The following LINC00237 variants were observed in gnomAD, a reference collection of about 807,000 sequenced individuals.
LINC00237 encodes the protein long intergenic non-protein coding RNA 237.
At chr20:21,086,704 T>TAC (rs1245812564) in intron 3 of LINC00237, among the ~76,000 whole-genome samples, 1 of 121,648 alleles carries the variant, frequency 8.2e-6, no homozygotes, top group African/African-American at 3.0e-5. Context: ...TGTAGTATAC[T>TAC]ATATATACAT....
At chr20:21,086,883 T>C (rs2030717263) in intron 3 of LINC00237, among the ~76,000 whole-genome samples, 1 of 134,686 alleles carries the variant, frequency 7.4e-6, no homozygotes, top group Non-Finnish European at 1.6e-5. Flanking sequence ...CACTATATAG[T>C]ATATATGTAC....
At chr20:21,106,114 G>T (rs1459019045) in intron 1 of LINC00237, among the ~76,000 whole-genome samples, 7 of 152,168 alleles carry the variant, frequency 4.6e-5, no homozygotes, top group African/African-American at 1.7e-4. Flanking sequence ...CCATTTTCCA[G>T]CCTTCCACGC....
rs910361854 is a variant in LINC00237 at position 21,101,139 on chromosome 20, G to C, written n.88+5132C>G. On this transcript the variant is annotated intron_variant and non_coding_transcript_variant, in intron 1 of 3. Coordinates refer to ENST00000691244, the Ensembl canonical transcript of LINC00237. This position sits in a 1 kb window ranked among gnomAD's most constrained non-coding sequence, Gnocchi z 4.3. ...TCAACAGCTAAAGAGCAATTTGATGGGGCTGGGATGGGGAAATTACTTGAT... is the reference window on the plus strand; with the variant it reads ...TCAACAGCTAAAGAGCAATTTGATGCGGCTGGGATGGGGAAATTACTTGAT... Among the ~76,000 whole-genome samples the C allele has an allele frequency of 6.6e-6, 1 of 152,306 alleles. No homozygotes were observed. The highest frequency in any genetic ancestry group is 1.5e-5 in the Non-Finnish European group (1 of 68,028).
chr20:21,088,758 A>G (rs6047241), intron 2 of LINC00237, among the ~76,000 whole-genome samples: 29,701 of 152,050 alleles, frequency 0.2, 3,652 homozygotes, highest in African/African-American at 0.34. Context: ...AACAGTTTCT[A>G]TCTGTTTCCC....
Position 21,103,776 on chromosome 20 carries a change from G to A in LINC00237, n.88+2495C>T, listed in dbSNP as rs574403385. Reference sequence around the variant, plus strand: ...AAAAGGTAGCACCGCTGGCGTCCTGGCACGTCGAGCGAACAATGCCACCCC... The same window carrying A: ...AAAAGGTAGCACCGCTGGCGTCCTGACACGTCGAGCGAACAATGCCACCCC... On this transcript the variant is annotated intron_variant and non_coding_transcript_variant, in intron 1 of 3. Transcript: ENST00000691244. Among the ~76,000 whole-genome samples the A allele has an allele frequency of 2.0e-5, 3 of 152,292 alleles. No homozygotes were observed. The East Asian group carries it at 5.8e-4, about 29-fold the overall frequency.
Position 21,089,116 on chromosome 20 carries a change from T to G in LINC00237, n.473-1086A>C, listed in dbSNP as rs1281385445. Among the ~76,000 whole-genome samples the G allele has an allele frequency of 2.6e-5, 4 of 151,474 alleles. No homozygotes were observed. In the East Asian group the frequency reaches 5.8e-4, roughly 22 times the overall value. On this transcript the variant is annotated intron_variant and non_coding_transcript_variant, in intron 2 of 3. Coordinates refer to ENST00000691244, the Ensembl canonical transcript of LINC00237. The stretch of plus-strand genomic sequence containing the variant: ...TGTATGTGTGTGCATGTGTGTAAGA[T>G]TTAACCTTTTTCTCATTGAGTTTCA...
chr20:21,094,588 A>G (rs1568885461), intron 1 of LINC00237, among the ~76,000 whole-genome samples: 1 of 152,170 alleles, frequency 6.6e-6, no homozygotes, highest in Admixed American at 6.5e-5. Context: ...GTGGGTAAGC[A>G]TGATAGTATC....
intron 1 of LINC00237, among the ~76,000 whole-genome samples, chr20:21,096,388 A>C (rs771702878): frequency 1.3e-5 from 2 of 152,180 alleles, no homozygotes; most frequent in Non-Finnish European, 2.9e-5. Flanking sequence ...AGGGAGGTGC[A>C]AGTATGAGAT....
intron 1 of LINC00237, among the ~76,000 whole-genome samples, chr20:21,096,100 C>T (rs1057178534): frequency 8.5e-5 from 13 of 152,180 alleles, no homozygotes; most frequent in Non-Finnish European, 1.6e-4. Context: ...TAATACATTG[C>T]TTGCTTTTGG....
At chr20:21,097,489 TAGAG>T (rs1305342320) in intron 1 of LINC00237, among the ~76,000 whole-genome samples, 2 of 152,188 alleles carry the variant, frequency 1.3e-5, no homozygotes, top group Admixed American at 6.5e-5. Flanking sequence ...TTATGCTCCA[TAGAG>T]ATTGTACTAA....
At chr20:21,088,410 G>T (rs1197279929) in intron 2 of LINC00237, among the ~76,000 whole-genome samples, 1 of 152,064 alleles carries the variant, frequency 6.6e-6, no homozygotes, top group Admixed American at 6.6e-5. Context: ...TCTCATCCAG[G>T]TAACACTCTC....
intron 1 of LINC00237, among the ~76,000 whole-genome samples, chr20:21,097,476 C>A (rs899937550): frequency 6.6e-6 from 1 of 151,898 alleles, no homozygotes; most frequent in Non-Finnish European, 1.5e-5. Flanking sequence ...AAAAAAAAAT[C>A]CTTTATGCTC....
At chr20:21,093,407 C>T (rs940747283) in intron 2 of LINC00237, 2 of 152,200 alleles carry the variant, frequency 1.3e-5, no homozygotes, top group Non-Finnish European at 2.9e-5. Context: ...TTATACTCAT[C>T]CAACTTGCCT....
intron 1 of LINC00237, among the ~76,000 whole-genome samples, chr20:21,104,069 A>G (rs770706573): frequency 2.1e-5 from 3 of 146,232 alleles, no homozygotes; most frequent in Non-Finnish European, 4.5e-5. Context: ...GGACCTTCCC[A>G]GTCCAGCTTC....
At chr20:21,086,928 A>G (rs2030718674) in intron 3 of LINC00237, among the ~76,000 whole-genome samples, 2 of 138,992 alleles carry the variant, frequency 1.4e-5, no homozygotes, top group South Asian at 2.2e-4. Context: ...TATACACTAT[A>G]TATGTACTAT....
chr20:21,104,552 C>A (rs568742393), intron 1 of LINC00237, among the ~76,000 whole-genome samples: 7 of 152,266 alleles, frequency 4.6e-5, no homozygotes, highest in Middle Eastern at 3.2e-3. Flanking sequence ...GAGAAAGATG[C>A]AACCAGGTCT....
intron 2 of LINC00237, among the ~76,000 whole-genome samples, chr20:21,089,328 G>A (rs1310061170): frequency 6.6e-6 from 1 of 151,922 alleles, no homozygotes; most frequent in South Asian, 2.1e-4. Flanking sequence ...CTCTCAAGTT[G>A]TGCTGATATC....
At chr20:21,086,623 ATATATAG>A (rs1243812915) in intron 3 of LINC00237, among the ~76,000 whole-genome samples, 21 of 133,968 alleles carry the variant, frequency 1.6e-4, no homozygotes, top group Non-Finnish European at 4.7e-5. Flanking sequence ...ATAGTATACT[ATATATAG>A]TATACTATAT....
chr20:21,096,929 T>C (rs2030865872), intron 1 of LINC00237, among the ~76,000 whole-genome samples: 1 of 152,198 alleles, frequency 6.6e-6, no homozygotes, highest in Non-Finnish European at 1.5e-5. Context: ...ACCTGTTACT[T>C]TACTGACAAA....
Sources: gnomAD v4.1 joint callset for allele counts (sites outside exome capture counted in the v4.1 genomes callset) on GRCh38, gnomAD v4.1.1 for gene constraint, Gnocchi (gnomAD v3.1) non-coding constraint, MANE v1.5 for transcripts, NCBI Gene and HGNC (gene_info 2026-07-23, HGNC 2026-07-21) for gene names.